The following SLC18B1 variants were observed in gnomAD, a reference collection of about 807,000 sequenced individuals.
SLC18B1 encodes the protein solute carrier family 18 member B1.
A neutral mutation model predicts 53.9 loss-of-function variants in SLC18B1; 62 were observed. The observed-to-expected ratio is 1.15, with a 90% CI of 0.94 to 1.42. The LOEUF (loss-of-function observed/expected upper bound fraction) is 1.42. Among genes scored for constraint, SLC18B1 ranks in the 40% most tolerant of loss-of-function variants. The pLI, the probability that SLC18B1 is intolerant of heterozygous loss-of-function variation, is 0.00. For missense variants in SLC18B1, 598 were observed against 547.3 expected (o/e 1.09, Z -0.93); for synonymous variants, 217 against 200.9 (o/e 1.08, Z -0.68).
intron 1 of SLC18B1, among the ~76,000 whole-genome samples, 182 bp downstream of exon 1, chr6:132,798,232 A>C (rs143829542): frequency 6.6e-6 from 1 of 152,238 alleles, no homozygotes; most frequent in Non-Finnish European, 1.5e-5. Flanking sequence ...CACATATCCA[A>C]TCCTGGAACT....
At chr6:132,791,729 T>A (rs1781528654) in intron 2 of SLC18B1, among the ~76,000 whole-genome samples, 2 of 152,156 alleles carry the variant, frequency 1.3e-5, no homozygotes, top group African/African-American at 4.8e-5. Flanking sequence ...TTGGGCTTCA[T>A]AACCAGCCAT....
intron 6 of SLC18B1, among the ~76,000 whole-genome samples, chr6:132,783,103 T>C: frequency 6.6e-6 from 1 of 152,106 alleles, no homozygotes; most frequent in East Asian, 1.9e-4. Flanking sequence ...AAAATACTAC[T>C]AATTGGGAAT....
At chr6:132,776,699 A>C (rs1413820950) in intron 7 of SLC18B1, among the ~76,000 whole-genome samples, 1 of 152,220 alleles carries the variant, frequency 6.6e-6, no homozygotes, top group South Asian at 2.1e-4. Context: ...GCATTTTTAT[A>C]TGTAAATTAA....
intron 2 of SLC18B1, among the ~76,000 whole-genome samples, chr6:132,791,777 T>A (rs1781529189): frequency 6.6e-6 from 1 of 152,138 alleles, no homozygotes; most frequent in Non-Finnish European, 1.5e-5. Context: ...GAAATAATGG[T>A]GTGGATACAA....
intron 6 of SLC18B1, among the ~76,000 whole-genome samples, chr6:132,782,904 A>G (rs1781272967): frequency 6.6e-6 from 1 of 151,618 alleles, no homozygotes; most frequent in Non-Finnish European, 1.5e-5. Flanking sequence ...CCTCCTGAGT[A>G]GCTGGGAGTA....
At position 132,779,376 on chromosome 6, in the gene SLC18B1, C is replaced by G. The variant is rs1183115381; in HGVS notation, c.687G>C (p.Trp229Cys). The G allele has an allele frequency of 6.2e-7, 1 of 1,612,940 alleles. No homozygotes were observed. Among genetic ancestry groups the G allele is most frequent in the Non-Finnish European group, 8.5e-7 (1 of 1,179,360 alleles). Reference sequence around the variant, plus strand: ...CAACTTTGGGTAAAGCGATCAGTTTCCAGAATGAGTGTTCACCTGGATCAG... The same window carrying G: ...CAACTTTGGGTAAAGCGATCAGTTTGCAGAATGAGTGTTCACCTGGATCAG... ...YESDPGEHSF[W>C]KLIALPKVGL... Residue 229 changes from tryptophan to cysteine, a missense_variant, in exon 7 of 14, where the codon TGG (tryptophan) becomes TGC (cysteine). By Grantham distance (215) the Trp-to-Cys change is radical. Transcript: ENST00000275227.
intron 2 of SLC18B1, among the ~76,000 whole-genome samples, chr6:132,791,533 C>T (rs986272000): frequency 1.3e-5 from 2 of 151,946 alleles, no homozygotes; most frequent in African/African-American, 2.4e-5. Flanking sequence ...TTCCTCATAG[C>T]GTCATACCAC....
At chr6:132,792,945 C>A (rs1781587630) in intron 2 of SLC18B1, among the ~76,000 whole-genome samples, 1 of 152,052 alleles carries the variant, frequency 6.6e-6, no homozygotes, top group South Asian at 2.1e-4. Flanking sequence ...ATGGTGAAAC[C>A]CCGTCTCTAC....
Position 132,774,205 on chromosome 6 carries a change from AAG to A in SLC18B1, c.989+15_989+16del. Reference sequence around the variant, plus strand: ...TAATGTTATTTGGCCAAACATACAGAAGAAGAAAAAAATTACCTTTTAATATG... The same window carrying A: ...TAATGTTATTTGGCCAAACATACAGAAAGAAAAAAATTACCTTTTAATATG... On this transcript the variant is annotated intron_variant, in intron 9 of 13. Coordinates refer to ENST00000275227, the MANE Select transcript of SLC18B1 (RefSeq NM_052831.3). 1 of 1,577,820 alleles carries A rather than the reference AAG, an allele frequency of 6.3e-7. No homozygotes were observed.
intron 9 of SLC18B1, among the ~76,000 whole-genome samples, chr6:132,773,319 T>A (rs186470966): frequency 6.6e-6 from 1 of 152,018 alleles, no homozygotes. Context: ...GATATCTCCA[T>A]CTCTTTGGTC....
chr6:132,770,663 G>C (rs548501339), intron 13 of SLC18B1, among the ~76,000 whole-genome samples: 1 of 152,138 alleles, frequency 6.6e-6, no homozygotes, highest in Non-Finnish European at 1.5e-5. Context: ...TTGAACCCGG[G>C]GGGCAGAAGT....
chr6:132,787,007 T>G (rs1781395212), intron 5 of SLC18B1, among the ~76,000 whole-genome samples: 1 of 152,168 alleles, frequency 6.6e-6, no homozygotes, highest in South Asian at 2.1e-4. Flanking sequence ...ATCCCGTGCA[T>G]AAATCTGGGG....
intron 2 of SLC18B1, among the ~76,000 whole-genome samples, chr6:132,794,607 T>C (rs1436309298): frequency 2.0e-5 from 3 of 152,272 alleles, no homozygotes; most frequent in East Asian, 3.9e-4. Flanking sequence ...AGCTGTCTGT[T>C]GTTCCCCAGG....
chr6:132,797,818 C>A (rs1781738768), intron 1 of SLC18B1, among the ~76,000 whole-genome samples: 1 of 152,030 alleles, frequency 6.6e-6, no homozygotes, highest in African/African-American at 2.4e-5. Flanking sequence ...TCTTTTACAT[C>A]AGTTAATTTA....
At chr6:132,777,168 G>C (rs1332784414) in intron 7 of SLC18B1, among the ~76,000 whole-genome samples, 2 of 152,044 alleles carry the variant, frequency 1.3e-5, no homozygotes, top group Non-Finnish European at 2.9e-5. Context: ...TTGAACTTAG[G>C]AGGCAGAGGC....
At chr6:132,790,052 G>C (rs1173687548) in intron 3 of SLC18B1, 125 bp downstream of exon 3, 1 of 799,718 alleles carries the variant, frequency 1.3e-6, no homozygotes, top group East Asian at 2.7e-5. Flanking sequence ...TGTCAACACT[G>C]GCACAATTTA....
chr6:132,792,260 AAAGAAAGAAAGAAAGAAAGAAAGG>A (rs1562271319), intron 2 of SLC18B1, among the ~76,000 whole-genome samples: 3 of 39,152 alleles, frequency 7.7e-5, no homozygotes, highest in African/African-American at 3.2e-4. Flanking sequence ...AGAAAGAAAG[AAAGAAAGAAAGAAAGAAAGAAAGG>A]AAGAAAGGAA....
chr6:132,781,292 G>A (rs1446158588), intron 6 of SLC18B1, among the ~76,000 whole-genome samples: 1 of 151,922 alleles, frequency 6.6e-6, no homozygotes, highest in Non-Finnish European at 1.5e-5. Flanking sequence ...GAAAACTTGG[G>A]GTATTTGCTT....
chr6:132,780,860 G>C (rs1363846794), intron 6 of SLC18B1, among the ~76,000 whole-genome samples: 1 of 151,902 alleles, frequency 6.6e-6, no homozygotes, highest in East Asian at 1.9e-4. Flanking sequence ...ACCCCTGGTA[G>C]GTGTTAGTTT....
Sources: gnomAD v4.1 joint callset for allele counts (sites outside exome capture counted in the v4.1 genomes callset) on GRCh38, gnomAD v4.1.1 for gene constraint, MANE v1.5 for transcripts, NCBI Gene and HGNC (gene_info 2026-07-23, HGNC 2026-07-21) for gene names.